Variants in TNS1 observed in about 807,000 individuals in gnomAD.
The protein encoded by TNS1 is tensin-1.
TNS1 carries 62 observed loss-of-function variants against 168.6 expected under a neutral mutation model. The observed-to-expected ratio is 0.37, with a 90% CI of 0.30 to 0.45. The LOEUF (loss-of-function observed/expected upper bound fraction) is 0.45. Among genes scored for constraint, TNS1 ranks in the 20% least tolerant of loss-of-function variants. The pLI is 1.00. For missense variants in TNS1, 2,240 were observed against 2,339.4 expected, an observed-to-expected ratio of 0.96 and a Z score of 0.88; for synonymous variants, 934 against 933.2, an observed-to-expected ratio of 1.00 and a Z score of -0.02.
intron 3 of TNS1, among the ~76,000 whole-genome samples, chr2:217,945,577 G>A (rs1287019425): frequency 6.6e-6 from 1 of 152,178 alleles, no homozygotes; most frequent in Non-Finnish European, 1.5e-5. Flanking sequence ...TGGGTTCTGA[G>A]TCCCAAATTC....
At chr2:218,019,155 C>T (rs879934588) in intron 1 of TNS1, among the ~76,000 whole-genome samples, 2 of 151,922 alleles carry the variant, frequency 1.3e-5, no homozygotes, top group East Asian at 1.9e-4. Context: ...ACATGTCTCC[C>T]GAGGGACAAG....
intron 1 of TNS1, among the ~76,000 whole-genome samples, chr2:218,026,551 T>C (rs946800284): frequency 6.6e-6 from 1 of 152,004 alleles, no homozygotes; most frequent in Non-Finnish European, 1.5e-5. Context: ...CAGGCCAGGT[T>C]GGAATATTGG....
intron 19 of TNS1, among the ~76,000 whole-genome samples, chr2:217,841,817 C>G (rs1946008337): frequency 6.6e-6 from 1 of 152,178 alleles, no homozygotes; most frequent in Admixed American, 6.5e-5. Context: ...TTACCACAGC[C>G]ATCTGAGTGA....
At chr2:217,884,468 A>C (rs1445425706) in intron 16 of TNS1, among the ~76,000 whole-genome samples, 1 of 152,184 alleles carries the variant, frequency 6.6e-6, no homozygotes, top group Admixed American at 6.5e-5. Flanking sequence ...GCAAAAGCAA[A>C]CACCAAACCT....
At chr2:217,814,536 C>T (rs1005424923) in intron 25 of TNS1, among the ~76,000 whole-genome samples, 1 of 152,226 alleles carries the variant, frequency 6.6e-6, no homozygotes, top group Non-Finnish European at 1.5e-5. Context: ...CTGTCCCACA[C>T]CCAGCCTTCC....
chr2:217,946,894 C>A (rs1282294689), intron 3 of TNS1, among the ~76,000 whole-genome samples: 2 of 151,600 alleles, frequency 1.3e-5, no homozygotes, highest in African/African-American at 4.9e-5. Flanking sequence ...GTCCCGCAGC[C>A]CATCATCTAC....
At chr2:217,978,034 C>G (rs1219651924) in intron 3 of TNS1, among the ~76,000 whole-genome samples, 1 of 152,150 alleles carries the variant, frequency 6.6e-6, no homozygotes, top group Non-Finnish European at 1.5e-5. Context: ...AATCCCCCAC[C>G]CCCTGTTACT....
At chr2:217,936,076 A>G (rs1265413905) in intron 3 of TNS1, among the ~76,000 whole-genome samples, 2 of 152,072 alleles carry the variant, frequency 1.3e-5, no homozygotes, top group Non-Finnish European at 2.9e-5. Flanking sequence ...TCAACATTCC[A>G]TCTAGCTCTG....
intron 6 of TNS1, 158 bp from the exon 7 acceptor site, chr2:217,900,670 C>T (rs974478468): frequency 5.7e-5 from 44 of 774,626 alleles, no homozygotes; most frequent in Non-Finnish European, 8.5e-5. Context: ...ACAGCCTGCC[C>T]GAAGCCAAAG....
At chr2:217,807,983 C>A in intron 32 of TNS1, 92 bp downstream of exon 32, 2 of 1,486,604 alleles carry the variant, frequency 1.3e-6, no homozygotes, top group Non-Finnish European at 1.9e-6. Context: ...CTTTCCCTAC[C>A]CCCAGCCCTG....
chr2:217,952,192 C>G (rs1957261024), intron 3 of TNS1, among the ~76,000 whole-genome samples: 1 of 152,222 alleles, frequency 6.6e-6, no homozygotes, highest in Non-Finnish European at 1.5e-5. Flanking sequence ...ATGTGCCAAG[C>G]CCTGGTACAG....
At chr2:217,961,218 G>C (rs55910223) in intron 3 of TNS1, among the ~76,000 whole-genome samples, 33,030 of 138,748 alleles carry the variant, frequency 0.24, 4,546 homozygotes, top group African/African-American at 0.39. Flanking sequence ...ATCTCAGGGT[G>C]TCTCTCTCTC....
chr2:217,849,536 C>T, intron 18 of TNS1: 7 of 528,428 alleles, frequency 1.3e-5, no homozygotes, highest in Non-Finnish European at 1.7e-5. Context: ...ACATGACATG[C>T]TGAGACCAGT....
chr2:218,015,815 G>A (rs1032139211), intron 1 of TNS1, among the ~76,000 whole-genome samples: 1 of 152,206 alleles, frequency 6.6e-6, no homozygotes, highest in Non-Finnish European at 1.5e-5. Context: ...ACAGGCCAGA[G>A]CATCTGGGGA....
intron 6 of TNS1, among the ~76,000 whole-genome samples, chr2:217,903,380 G>T (rs115641874): frequency 6.6e-6 from 1 of 152,160 alleles, no homozygotes; most frequent in African/African-American, 2.4e-5. Context: ...CCTACTCCGC[G>T]TGGAGCCCCT....
chr2:217,864,417 T>G (rs960631422), intron 18 of TNS1, among the ~76,000 whole-genome samples: 2 of 152,210 alleles, frequency 1.3e-5, no homozygotes, highest in Non-Finnish European at 2.9e-5. Context: ...ATCTTCCTGA[T>G]AAAGAAACTA....
upstream of TNS1, among the ~76,000 whole-genome samples, chr2:218,012,703 C>A (rs1958716577): frequency 1.3e-5 from 2 of 152,124 alleles, no homozygotes; most frequent in Non-Finnish European, 2.9e-5. Flanking sequence ...CAATGCCATA[C>A]TGCCACAAGT....
chr2:218,018,045 G>A (rs1958777216), intron 1 of TNS1, among the ~76,000 whole-genome samples: 1 of 152,184 alleles, frequency 6.6e-6, no homozygotes, highest in Non-Finnish European at 1.5e-5. Context: ...GAGGTAGAAT[G>A]GAGGCATATG....
chr2:218,029,674 A>G (rs964271476), intron 1 of TNS1, among the ~76,000 whole-genome samples: 2 of 152,182 alleles, frequency 1.3e-5, no homozygotes, highest in African/African-American at 4.8e-5. Context: ...CACTGATTAC[A>G]AGTGCCATTC....
Sources: allele counts gnomAD v4.1 joint callset (sites outside exome capture counted in the v4.1 genomes callset), GRCh38; gene constraint gnomAD v4.1.1; transcripts MANE v1.5; gene names NCBI Gene and HGNC (gene_info 2026-07-23, HGNC 2026-07-21).